Variants in EPHB3 observed in about 807,000 individuals in gnomAD.
EPHB3 encodes ephrin type-B receptor 3.
Under a neutral mutation model 100.2 loss-of-function variants are expected in EPHB3, and 33 were observed. That is an observed-to-expected ratio of 0.33 (90% confidence interval 0.25 to 0.44). The LOEUF is 0.44. EPHB3 is among the 20% of genes least tolerant of loss of function. EPHB3 has a pLI of 1.00. For synonymous variants in EPHB3, 526 were observed against 554.7 expected, an observed-to-expected ratio of 0.95 and a Z score of 0.73; for missense variants, 1,045 against 1,378.3, an observed-to-expected ratio of 0.76 and a Z score of 3.83.
rs781716924 is a variant in EPHB3 at position 184,577,981 on chromosome 3, G to T, written c.1723G>T (p.Val575Leu). 3.7e-6 allele frequency: 6 copies of T among 1,613,914 alleles called. No homozygotes were observed. Residue 575 changes from valine to leucine, a missense_variant, in exon 8 of 16, where the codon GTG (valine) becomes TTG (leucine). Val to Leu is a conservative substitution (Grantham distance 32, BLOSUM62 1). Coordinates refer to ENST00000330394, the MANE Select transcript of EPHB3 (RefSeq NM_004443.4). This position sits in a 1 kb window ranked among gnomAD's most constrained non-coding sequence, Gnocchi z 4.9. ...TGGGCTTGTCTTCGTGGTGGCTGTC[G>T]TGGTCATCGCTATCGTCTGCCTCAG... ...TAGLVFVVAV[V>L]VIAIVCLRKQ...
Position 184,578,544 on chromosome 3 carries a change from G to A in EPHB3, c.1801+78G>A. On this transcript the variant is annotated intron_variant, in intron 9 of 15. Transcript: ENST00000330394. This position sits in a 1 kb window ranked among gnomAD's most constrained non-coding sequence, Gnocchi z 4.7. ...CTCAGACACCCTTCTCCCTGCCTGG[G>A]ACTTCATTCCTTAGAGATAAACCCT... 1.3e-6 allele frequency: 2 copies of A among 1,587,820 alleles called. No homozygotes were observed. Among genetic ancestry groups the A allele is most frequent in the South Asian group, 1.1e-5 (1 of 89,886 alleles).
rs539555055 is a variant in EPHB3 at position 184,579,967 on chromosome 3, C to T, written c.2172+33C>T. ...CCAGCCCCCAGGCCCTCTCCCTCCC[C>T]CAGAGAGTTGGATTGGGCTCACCAT... On this transcript the variant is annotated intron_variant, in intron 11 of 15. Transcript: ENST00000330394. The surrounding 1 kb of genome is among the most constrained non-coding windows in gnomAD (Gnocchi z 5.2). 2 of 1,598,936 alleles carry T rather than the reference C, an allele frequency of 1.3e-6. No homozygotes were observed. The highest frequency in any genetic ancestry group is 2.2e-5 in the East Asian group (1 of 44,800).
chr3:184,562,370 G>A lies in EPHB3; in HGVS notation c.118+17G>A, dbSNP rs556271650. ...CGCTGGAAGGTGAGCGGCGTCGGGGGGCGCGCCCGGGAACAAGGTGCCTGG... is the reference window on the plus strand; with the variant it reads ...CGCTGGAAGGTGAGCGGCGTCGGGGAGCGCGCCCGGGAACAAGGTGCCTGG... On this transcript the variant is annotated intron_variant, in intron 1 of 15. Transcript: ENST00000330394. The surrounding 1 kb of genome is among the most constrained non-coding windows in gnomAD (Gnocchi z 4.8). 3 of 1,218,540 alleles carry A rather than the reference G, an allele frequency of 2.5e-6. No homozygotes were observed. The highest frequency in any genetic ancestry group is 3.2e-5 in the African/African-American group (2 of 63,322). 75.5% of individuals were successfully genotyped at this position (1,218,540 alleles called of 1,614,324 possible). A position where few individuals can be genotyped will look rare whatever the true frequency, so the allele number is the denominator to read the frequency against.
chr3:184,572,032 T>C lies in EPHB3; in HGVS notation c.184-472T>C, dbSNP rs1484461944. On this transcript the variant is annotated intron_variant, in intron 2 of 15. Transcript: ENST00000330394. The surrounding 1 kb of genome is among the most constrained non-coding windows in gnomAD (Gnocchi z 6.6). ...TCATGGAGCTGTTGTGAAGATTGAA[T>C]GCGATGTTGATAGTGACAGCCAGTA... Among the ~76,000 whole-genome samples, 1 of 152,228 alleles carries C rather than the reference T, an allele frequency of 6.6e-6. No homozygotes were observed. The highest frequency in any genetic ancestry group is 1.5e-5 in the Non-Finnish European group (1 of 68,040).
intron 15 of EPHB3, 24 bp downstream of exon 15, chr3:184,581,432 G>A (rs1472800743): frequency 6.3e-7 from 1 of 1,583,624 alleles, no homozygotes; most frequent in Non-Finnish European, 8.6e-7. Context: ...AGATTTGGAG[G>A]AGCAGGGCAG....
chr3:184,574,273 C>T (rs1226748046), intron 3 of EPHB3, among the ~76,000 whole-genome samples: 1 of 152,170 alleles, frequency 6.6e-6, no homozygotes, highest in Admixed American at 6.5e-5. Context: ...CCTCGGATGG[C>T]TTGCCAAGAC....
chr3:184,580,204 T>C (rs562358614), intron 11 of EPHB3, among the ~76,000 whole-genome samples, 198 bp from the exon 12 acceptor site: 1 of 152,286 alleles, frequency 6.6e-6, no homozygotes, highest in East Asian at 1.9e-4. Flanking sequence ...AGCTAGTGGG[T>C]CCTCATGGGG....
Position 184,580,718 on chromosome 3 carries a change from C to T in EPHB3, c.2389-11C>T, listed in dbSNP as rs763522418. On this transcript the variant is annotated splice_polypyrimidine_tract_variant and intron_variant, in intron 12 of 15. Transcript: ENST00000330394. The stretch of plus-strand genomic sequence containing the variant: ...AGTCACAGGGTGAAGGGCCTGTGCC[C>T]CCCTCACCAGGGCGGGAAGATCCCC... 6.2e-7 allele frequency: 1 copy of T among 1,613,370 alleles called. No individual in the cohort carries two copies. The highest frequency in any genetic ancestry group is 1.1e-5 in the South Asian group (1 of 91,010).
chr3:184,568,495 A>G (rs1037585907), intron 1 of EPHB3, among the ~76,000 whole-genome samples: 2 of 152,158 alleles, frequency 1.3e-5, no homozygotes, highest in Non-Finnish European at 2.9e-5. Context: ...CAACACACGT[A>G]CACACACGTG....
chr3:184,562,259 G>A lies in EPHB3; in HGVS notation c.24G>A (p.Pro8=), dbSNP rs940361814. The part of the protein sequence containing the change: MARARPP[P]PPSPPPGLLP... ...CCATGGCCAGAGCCCGCCCGCCGCC[G>A]CCGCCGTCGCCGCCGCCGGGGCTTC... The change falls in exon 1 of 16, where the codon CCG becomes CCA. Residue 8 remains proline, a synonymous_variant. Coordinates refer to ENST00000330394, the MANE Select transcript of EPHB3 (RefSeq NM_004443.4). This position sits in a 1 kb window ranked among gnomAD's most constrained non-coding sequence, Gnocchi z 4.8. 7.1e-6 allele frequency: 8 copies of A among 1,128,198 alleles called. No homozygotes were observed. Among genetic ancestry groups the A allele is most frequent in the Admixed American group, 4.3e-5 (1 of 23,310 alleles). 69.9% of individuals were successfully genotyped at this position (1,128,198 alleles called of 1,614,324 possible). A position where few individuals can be genotyped will look rare whatever the true frequency, so the allele number is the denominator to read the frequency against.
chr3:184,563,849 C>G lies in EPHB3; in HGVS notation c.118+1496C>G, dbSNP rs889173858. 1.3e-5 allele frequency among the ~76,000 whole-genome samples: 2 copies of G among 152,248 alleles called. No individual in the cohort carries two copies. Among genetic ancestry groups the G allele is most frequent in the African/African-American group, 4.8e-5 (2 of 41,466 alleles). On this transcript the variant is annotated intron_variant, in intron 1 of 15. Coordinates refer to ENST00000330394, the MANE Select transcript of EPHB3 (RefSeq NM_004443.4). This position sits in a 1 kb window ranked among gnomAD's most constrained non-coding sequence, Gnocchi z 4.1. ...GAGAGGCGACACTGGTACACACACACTCATACACTTACGGGGCTATGTGTC... is the reference window on the plus strand; with the variant it reads ...GAGAGGCGACACTGGTACACACACAGTCATACACTTACGGGGCTATGTGTC...
In EPHB3 at chr3:184,575,141, T is replaced by C. The variant is rs185845617; in HGVS notation, c.857-689T>C. ...GAGCCTGTGTCCAGGGGCCCAAGGG[T>C]AGATGGCAGGAGGGAAGACTGGGGA... On this transcript the variant is annotated intron_variant, in intron 3 of 15. Transcript: ENST00000330394. 79 of 985,250 alleles carry C rather than the reference T, an allele frequency of 8.0e-5. No homozygotes were observed. In the East Asian group the frequency reaches 5.2e-3, roughly 65 times the overall value. The allele number at this position is 985,250 out of a possible 1,614,324, so 61.0% of individuals were successfully genotyped here. A position where few individuals can be genotyped will look rare whatever the true frequency, so the allele number is the denominator to read the frequency against.
In EPHB3 at chr3:184,573,570, C is replaced by A. The variant is rs552457864; in HGVS notation, c.856+394C>A. On this transcript the variant is annotated intron_variant, in intron 3 of 15. Coordinates refer to ENST00000330394, the MANE Select transcript of EPHB3 (RefSeq NM_004443.4). This position sits in a 1 kb window ranked among gnomAD's most constrained non-coding sequence, Gnocchi z 4.5. ...GGCCCCAGGGCCAAGGGCACGGGGG[C>A]TGTGGGTACCTTGTGCATGGCTTTT... Among the ~76,000 whole-genome samples, 1 of 151,458 alleles carries A rather than the reference C, an allele frequency of 6.6e-6. No homozygotes were observed. Among genetic ancestry groups the A allele is most frequent in the East Asian group, 2.0e-4 (1 of 5,104 alleles).
rs1317296938 is a variant in EPHB3, at chr3:184,580,448, G to A, written c.2219G>A (p.Arg740Gln). 4 of 1,614,072 alleles carry A rather than the reference G, an allele frequency of 2.5e-6. No individual in the cohort carries two copies. Among genetic ancestry groups the A allele is most frequent in the African/African-American group, 2.7e-5 (2 of 74,930 alleles). Residue 740 changes from arginine to glutamine, a missense_variant, in exon 12 of 16, where the codon CGG (arginine) becomes CAG (glutamine). Arg to Gln is a conservative substitution (Grantham distance 43). Transcript: ENST00000330394. Reference protein sequence around the residue: ...FTVIQLVGMLRGIAAGMKYLS... With the variant: ...FTVIQLVGMLQGIAAGMKYLS... ...GTCATCCAGCTGGTGGGCATGTTGC[G>A]GGGCATTGCTGCCGGCATGAAGTAC... is the stretch of plus-strand genomic sequence containing the variant.
Position 184,562,334 on chromosome 3 carries a change from C to T in EPHB3, c.99C>T (p.Ala33=). Residue 33 remains alanine, a synonymous_variant, in exon 1 of 16, where the codon GCC becomes GCT. Coordinates refer to ENST00000330394, the MANE Select transcript of EPHB3 (RefSeq NM_004443.4). The surrounding 1 kb of genome is among the most constrained non-coding windows in gnomAD (Gnocchi z 4.8). ...LLLLPLLLLP[A]GCRALEETLM... ...TGCTGCCGCTGCTGCTGCTGCCCGC[C>T]GGCTGCCGGGCGCTGGAAGGTGAGC... is the stretch of plus-strand genomic sequence containing the variant. 8.0e-7 allele frequency: 1 copy of T among 1,242,360 alleles called. No homozygotes were observed. The highest frequency in any genetic ancestry group is 1.0e-6 in the Non-Finnish European group (1 of 993,962). The allele number at this position is 1,242,360 out of a possible 1,614,324, so 77.0% of individuals were successfully genotyped here. A position where few individuals can be genotyped will look rare whatever the true frequency, so the allele number is the denominator to read the frequency against.
chr3:184,571,463 C>T lies in EPHB3; in HGVS notation c.183+81C>T. The T allele has an allele frequency of 2.0e-6, 3 of 1,492,162 alleles. No individual in the cohort carries two copies. Among genetic ancestry groups the T allele is most frequent in the East Asian group, 4.6e-5 (2 of 43,834 alleles). The allele number at this position is 1,492,162 out of a possible 1,614,324, so 92.4% of individuals were successfully genotyped here. A position where few individuals can be genotyped will look rare whatever the true frequency, so the allele number is the denominator to read the frequency against. ...TTCCAGCCTCCGTGCCCCCTCATCT[C>T]ACCAGGGCCTGGAGGAGGGCTGCCT... is the stretch of plus-strand genomic sequence containing the variant. On this transcript the variant is annotated intron_variant, in intron 2 of 15. Coordinates refer to ENST00000330394, the MANE Select transcript of EPHB3 (RefSeq NM_004443.4). The surrounding 1 kb of genome is among the most constrained non-coding windows in gnomAD (Gnocchi z 5.0).
Position 184,579,996 on chromosome 3 carries a change from C to CT in EPHB3, c.2172+63dup, listed in dbSNP as rs1293907584. 48 of 1,568,402 alleles carry CT rather than the reference C, an allele frequency of 3.1e-5. No individual in the cohort carries two copies. Among genetic ancestry groups the CT allele is most frequent in the Non-Finnish European group, 3.5e-5 (41 of 1,159,526 alleles). On this transcript the variant is annotated intron_variant, in intron 11 of 15. Transcript: ENST00000330394. This position sits in a 1 kb window ranked among gnomAD's most constrained non-coding sequence, Gnocchi z 5.2. Reference sequence around the variant, plus strand: ...AGAGTTGGATTGGGCTCACCATCCCCTCCCACAAGTCAGACAGCCCCTATT... The same window carrying CT: ...AGAGTTGGATTGGGCTCACCATCCCCTTCCCACAAGTCAGACAGCCCCTATT...
rs184223112 is a variant in EPHB3, at chr3:184,578,947, G to A, written c.1801+481G>A. ...GTGGGGAAGGAGCCCAACTGTGGGG[G>A]CAGCGAGAAGACTGGTTTGACAGCT... On this transcript the variant is annotated intron_variant, in intron 9 of 15. Transcript: ENST00000330394. The surrounding 1 kb of genome is among the most constrained non-coding windows in gnomAD (Gnocchi z 4.7). Among the ~76,000 whole-genome samples, 26 of 152,100 alleles carry A rather than the reference G, an allele frequency of 1.7e-4. No individual in the cohort carries two copies. The highest frequency in any genetic ancestry group is 5.8e-4 in the African/African-American group (24 of 41,414).
In EPHB3 at chr3:184,572,598, G is replaced by A. The variant is rs755491313; in HGVS notation, c.278G>A (p.Arg93His). 11 of 1,547,290 alleles carry A rather than the reference G, an allele frequency of 7.1e-6. No homozygotes were observed. The highest frequency in any genetic ancestry group is 3.8e-5 in the South Asian group (3 of 79,398). Residue 93 changes from arginine (R) to histidine (H), a missense_variant, in exon 3 of 16, where the codon CGC (arginine) becomes CAC (histidine). This residue lies in a region of EPHB3 where 985 missense variants were observed against 1,331.1 expected (regional missense o/e 0.74). Coordinates refer to ENST00000330394, the MANE Select transcript of EPHB3 (RefSeq NM_004443.4). This position sits in a 1 kb window ranked among gnomAD's most constrained non-coding sequence, Gnocchi z 6.6. ...VRESSQNNWL[R>H]TGFIWRRDVQ... Reference sequence around the variant, plus strand: ...GAGTCAAGCCAGAACAACTGGCTTCGCACGGGGTTCATCTGGCGGCGGGAT... The same window carrying A: ...GAGTCAAGCCAGAACAACTGGCTTCACACGGGGTTCATCTGGCGGCGGGAT...
Sources: gnomAD v4.1 joint callset for allele counts (sites outside exome capture counted in the v4.1 genomes callset) on GRCh38, gnomAD v4.1.1 for gene constraint, gnomAD v4.1.1 regional missense constraint, Gnocchi (gnomAD v3.1) non-coding constraint, MANE v1.5 for transcripts, NCBI Gene and HGNC (gene_info 2026-07-23, HGNC 2026-07-21) for gene names.